Variants in PIP5K1C observed in about 807,000 individuals in gnomAD.
PIP5K1C encodes the protein phosphatidylinositol-4-phosphate 5-kinase type 1 gamma.
Under a neutral mutation model 80.1 loss-of-function variants are expected in PIP5K1C, and 45 were observed. That is an observed-to-expected ratio of 0.56 (90% CI 0.44 to 0.72). PIP5K1C has a LOEUF of 0.72. Ranked by LOEUF, PIP5K1C falls within the 30% of genes least tolerant of loss-of-function variation. The pLI, the probability that PIP5K1C is intolerant of heterozygous loss-of-function variation, is 0.00. For missense variants in PIP5K1C, 753 were observed against 954.6 expected, an observed-to-expected ratio of 0.79 and a Z score of 2.78; for synonymous variants, 498 against 420.1, an observed-to-expected ratio of 1.19 and a Z score of -2.27.
intron 6 of PIP5K1C, among the ~76,000 whole-genome samples, chr19:3,655,401 G>C (rs1044832635): frequency 6.6e-6 from 1 of 152,274 alleles, no homozygotes; most frequent in Non-Finnish European, 1.5e-5. Context: ...CTGGGTGACA[G>C]AGCGAGACTC....
intron 16 of PIP5K1C, among the ~76,000 whole-genome samples, chr19:3,634,462 A>G (rs1343974892): frequency 6.6e-6 from 1 of 152,126 alleles, no homozygotes; most frequent in African/African-American, 2.4e-5. Flanking sequence ...AATTTCCACC[A>G]GGCCTGGCCT....
intron 4 of PIP5K1C, among the ~76,000 whole-genome samples, 162 bp downstream of exon 4, chr19:3,661,709 A>C (rs1956445714): frequency 6.6e-6 from 1 of 152,250 alleles, no homozygotes; most frequent in Non-Finnish European, 1.5e-5. Flanking sequence ...TTCAGCAGCA[A>C]ACAAACGTCC....
At chr19:3,699,284 G>T (rs933457094) in intron 1 of PIP5K1C, among the ~76,000 whole-genome samples, 1 of 150,990 alleles carries the variant, frequency 6.6e-6, no homozygotes, top group African/African-American at 2.4e-5. Context: ...CCTACCAAGC[G>T]GTTCCAGATG....
At chr19:3,655,333 G>C (rs976904163) in intron 6 of PIP5K1C, among the ~76,000 whole-genome samples, 2 of 151,802 alleles carry the variant, frequency 1.3e-5, no homozygotes, top group Non-Finnish European at 2.9e-5. Flanking sequence ...CAGGAGAATG[G>C]CTTGAACCCA....
intron 7 of PIP5K1C, among the ~76,000 whole-genome samples, chr19:3,652,306 C>T (rs2034481592): frequency 6.6e-6 from 1 of 152,256 alleles, no homozygotes; most frequent in Non-Finnish European, 1.5e-5. Flanking sequence ...CCCTTCCTGG[C>T]TTTACTCCTT....
chr19:3,663,626 CAACATGGTG>C (rs1162980375), intron 3 of PIP5K1C, among the ~76,000 whole-genome samples: 3 of 152,192 alleles, frequency 2.0e-5, no homozygotes, highest in Non-Finnish European at 2.9e-5. Flanking sequence ...CCAGCCTGGG[CAACATGGTG>C]AAACCCCTGT....
intron 3 of PIP5K1C, among the ~76,000 whole-genome samples, chr19:3,664,258 A>C (rs2145495688): frequency 6.6e-6 from 1 of 152,300 alleles, no homozygotes; most frequent in Middle Eastern, 3.4e-3. Context: ...TTGCTATTTG[A>C]GCTGATGCAA....
intron 6 of PIP5K1C, among the ~76,000 whole-genome samples, chr19:3,655,632 A>T (rs1056706031): frequency 1.3e-5 from 2 of 151,638 alleles, no homozygotes; most frequent in Middle Eastern, 3.4e-3. Flanking sequence ...AGCCAAAAAC[A>T]CTCTCTCTGG....
At chr19:3,672,069 C>T (rs547226976) in intron 1 of PIP5K1C, among the ~76,000 whole-genome samples, 44 of 152,266 alleles carry the variant, frequency 2.9e-4, no homozygotes, top group African/African-American at 9.6e-4. Flanking sequence ...GACGTGGTGG[C>T]GACCCGGGCC....
In PIP5K1C at chr19:3,664,849, G is replaced by A. The variant is rs770877384; in HGVS notation, c.192C>T (p.Asp64=). The A allele has an allele frequency of 8.7e-6, 14 of 1,613,262 alleles. 1 individual carries two copies. The highest frequency in any genetic ancestry group is 1.6e-4 in the Middle Eastern group (1 of 6,062). The part of the protein sequence containing the change: ...HGKKLGHRGV[D]ASGETTYKKT... The stretch of plus-strand genomic sequence containing the variant: ...TCTTGTAGGTGGTTTCGCCGGATGC[G>A]TCCACACCTCGATGGCCCAACTTCT... The change falls in exon 3 of 18, where the codon GAC becomes GAT. Residue 64 remains aspartate, a synonymous_variant. Transcript: ENST00000335312.
intron 1 of PIP5K1C, among the ~76,000 whole-genome samples, chr19:3,672,152 C>CT (rs1370122906): frequency 6.6e-6 from 1 of 152,242 alleles, no homozygotes; most frequent in Non-Finnish European, 1.5e-5. Context: ...GTGCCCAGGG[C>CT]TTCTCTCTGA....
intron 16 of PIP5K1C, chr19:3,636,564 C>T: frequency 1.0e-6 from 1 of 985,598 alleles, no homozygotes; most frequent in Non-Finnish European, 1.2e-6. Context: ...AGTGCTCCTC[C>T]TCCCAGCAGG....
At chr19:3,676,621 T>C (rs911122566) in intron 1 of PIP5K1C, among the ~76,000 whole-genome samples, 3 of 152,304 alleles carry the variant, frequency 2.0e-5, no homozygotes, top group East Asian at 3.9e-4. Flanking sequence ...ACCTAATTCA[T>C]GATCACCGTT....
At chr19:3,646,162 T>G (rs1208758119) in intron 10 of PIP5K1C, 104 bp from the exon 11 acceptor site, 5 of 744,136 alleles carry the variant, frequency 6.7e-6, no homozygotes, top group East Asian at 2.6e-5. Context: ...GCACCTTCTG[T>G]GTGAAAAGGC....
chr19:3,651,927 T>C lies in PIP5K1C; in HGVS notation c.1026A>G (p.Ser342=), dbSNP rs2034466209. The C allele has an allele frequency of 6.2e-7, 1 of 1,612,780 alleles. No individual in the cohort carries two copies. Among genetic ancestry groups the C allele is most frequent in the African/African-American group, 1.3e-5 (1 of 74,948 alleles). The change falls in exon 8 of 18, where the codon TCA becomes TCG. Residue 342 remains serine (S), a synonymous_variant. Transcript: ENST00000335312. ...ERQAQGAQST[S]DEKRPVGQKA... ...TCTGGCCCACAGGCCGCTTCTCATC[T>C]GAGGTGCTCTGGGCGCCCTGCGCCT...
At chr19:3,686,941 C>G (rs1267158755) in intron 1 of PIP5K1C, among the ~76,000 whole-genome samples, 1 of 151,976 alleles carries the variant, frequency 6.6e-6, no homozygotes, top group Non-Finnish European at 1.5e-5. Context: ...ACCGGTAATC[C>G]CAGCACTTTG....
rs747695812 is a variant in PIP5K1C, at chr19:3,648,047, G to C, written c.1211+578C>G. 2.6e-5 allele frequency among the ~76,000 whole-genome samples: 4 copies of C among 152,042 alleles called. No individual in the cohort carries two copies. Among genetic ancestry groups the C allele is most frequent in the Non-Finnish European group, 5.9e-5 (4 of 68,002 alleles). ...TCTTTTTTCTTTTTTTTTGGGACAG[G>C]GTCTTGCTCTGTCACCCAGCCTGGG... On this transcript the variant is annotated intron_variant, in intron 9 of 17. Coordinates refer to ENST00000335312, the MANE Select transcript of PIP5K1C (RefSeq NM_012398.3). This position sits in a 1 kb window ranked among gnomAD's most constrained non-coding sequence, Gnocchi z 4.3.
chr19:3,636,357 C>G (rs949177233), intron 16 of PIP5K1C: 2 of 983,780 alleles, frequency 2.0e-6, no homozygotes, highest in Middle Eastern at 5.2e-4. Flanking sequence ...CCTTGGGGTG[C>G]TTTCAATGGC....
chr19:3,665,010 G>C, intron 2 of PIP5K1C, 96 bp from the exon 3 acceptor site: 1 of 997,494 alleles, frequency 1.0e-6, no homozygotes, highest in Non-Finnish European at 1.6e-6. Context: ...TTTAGTCGTT[G>C]GGCCCAGCAG....
Sources: allele counts gnomAD v4.1 joint callset (sites outside exome capture counted in the v4.1 genomes callset), GRCh38; gene constraint gnomAD v4.1.1; non-coding constraint Gnocchi (gnomAD v3.1); transcripts MANE v1.5; gene names NCBI Gene and HGNC (gene_info 2026-07-23, HGNC 2026-07-21).